PPP2R2B: variants seen among roughly 807,000 people sequenced by gnomAD.
PPP2R2B encodes serine/threonine-protein phosphatase 2A 55 kDa regulatory subunit B beta isoform.
PPP2R2B carries 5 observed loss-of-function variants against 46.0 expected under a neutral mutation model. That is an observed-to-expected ratio of 0.11 (90% CI 0.06 to 0.23). The LOEUF is 0.23. PPP2R2B is among the 10% of genes least tolerant of loss of function. The pLI is 1.00. For missense variants in PPP2R2B, 367 were observed against 575.0 expected (o/e 0.64, Z 3.70); for synonymous variants, 215 against 206.7 (o/e 1.04, Z -0.34).
At chr5:146,593,149 T>A in intron 8 of PPP2R2B, 87 bp from the exon 9 acceptor site, 2 of 1,124,774 alleles carry the variant, frequency 1.8e-6, no homozygotes, top group Non-Finnish European at 2.7e-6. Flanking sequence ...TGTGAGCTGT[T>A]AAATCTTTCA....
rs1324583048 is a variant in PPP2R2B at position 146,584,633 on chromosome 5, C to G, written c.*5314G>C. 3 of 152,226 alleles carry G rather than the reference C, an allele frequency of 2.0e-5. No homozygotes were observed. 9.4% of individuals were successfully genotyped at this position (152,226 alleles called of 1,614,324 possible). ...TCAGGTGATTAACAATGATTTAAAA[C>G]AGTGCCTCTCCCAATGCCTGTCATT... On this transcript the variant is annotated 3_prime_UTR_variant, in exon 10 of 10. Transcript: ENST00000394411.
At chr5:146,734,940 A>G (rs562103289) in intron 2 of PPP2R2B, among the ~76,000 whole-genome samples, 1 of 152,304 alleles carries the variant, frequency 6.6e-6, no homozygotes, top group South Asian at 2.1e-4. Flanking sequence ...TTCTCTGCCA[A>G]TAGCATTTCC....
chr5:147,000,681 A>T lies in PPP2R2B; in HGVS notation c.79+54984T>A, dbSNP rs1376684023. On this transcript the variant is annotated intron_variant, in intron 1 of 8. Transcript: ENST00000336640. The stretch of plus-strand genomic sequence containing the variant: ...GGATTTGCCATTTTTAATGGCAAAA[A>T]CCACAATTACTTTTGCACCAACCTA... Among the ~76,000 whole-genome samples, 158 of 83,850 alleles carry T rather than the reference A, an allele frequency of 1.9e-3. 3 individuals carry two copies. The East Asian group carries it at 0.051, about 27-fold the overall frequency. The allele number at this position is 83,850 out of a possible 152,430, so 55.0% of individuals were successfully genotyped here.
Position 146,650,535 on chromosome 5 carries a change from A to T in PPP2R2B, c.625+12T>A, listed in dbSNP as rs1232030302. ...TCAGGCCAGTTGATTCTTGATCACA[A>T]AGAAAGGATACTAAAACTTTGATTG... On this transcript the variant is annotated intron_variant, in intron 6 of 9. Coordinates refer to ENST00000394411, the MANE Select transcript of PPP2R2B (RefSeq NM_181675.4). 1.2e-6 allele frequency: 2 copies of T among 1,610,042 alleles called. No individual in the cohort carries two copies. Among genetic ancestry groups the T allele is most frequent in the Non-Finnish European group, 1.7e-6 (2 of 1,177,442 alleles).
intron 1 of PPP2R2B, among the ~76,000 whole-genome samples, chr5:146,971,865 A>T (rs1752677415): frequency 6.6e-6 from 1 of 152,198 alleles, no homozygotes; most frequent in Non-Finnish European, 1.5e-5. Flanking sequence ...AGTATGGAAA[A>T]TCCCTGTATA....
intron 1 of PPP2R2B, among the ~76,000 whole-genome samples, chr5:147,034,067 T>G (rs964321799): frequency 1.3e-5 from 2 of 152,220 alleles, no homozygotes; most frequent in Non-Finnish European, 1.5e-5. Flanking sequence ...ATACTGACTC[T>G]GGCTTCATCA....
At chr5:146,824,402 G>C (rs1758447213) in intron 2 of PPP2R2B, among the ~76,000 whole-genome samples, 1 of 152,176 alleles carries the variant, frequency 6.6e-6, no homozygotes, top group Non-Finnish European at 1.5e-5. Context: ...TGGTAGAGCA[G>C]CCATGTTATA....
intron 5 of PPP2R2B, among the ~76,000 whole-genome samples, chr5:146,651,290 C>T (rs1775939786): frequency 6.6e-6 from 1 of 152,134 alleles, no homozygotes; most frequent in Non-Finnish European, 1.5e-5. Flanking sequence ...AACCCAATGA[C>T]ATCTGACTGA....
chr5:146,998,015 G>T (rs887878024), intron 1 of PPP2R2B, among the ~76,000 whole-genome samples: 1 of 152,284 alleles, frequency 6.6e-6, no homozygotes, highest in South Asian at 2.1e-4. Context: ...ACAAAGAGGG[G>T]TCATATCTCT....
upstream of PPP2R2B, chr5:147,056,214 C>T (rs184276556): frequency 8.8e-6 from 7 of 791,318 alleles, no homozygotes; most frequent in African/African-American, 1.3e-4. Flanking sequence ...AGTGTTCTGC[C>T]CTGGAGAGAG....
At chr5:146,880,663 G>C (rs1762136887), upstream of PPP2R2B, among the ~76,000 whole-genome samples, 3 of 152,210 alleles carry the variant, frequency 2.0e-5, no homozygotes, top group Admixed American at 2.0e-4. Context: ...GGACAGAGCT[G>C]TGTGATGAAT....
At chr5:146,781,925 TG>T (rs1316793827) in intron 2 of PPP2R2B, among the ~76,000 whole-genome samples, 1 of 152,122 alleles carries the variant, frequency 6.6e-6, no homozygotes, top group African/African-American at 2.4e-5. Context: ...AAGTTGGAGG[TG>T]GGGCCTGGTG....
At chr5:146,917,100 G>C (rs1477857645) in intron 1 of PPP2R2B, among the ~76,000 whole-genome samples, 1 of 152,180 alleles carries the variant, frequency 6.6e-6, no homozygotes, top group Non-Finnish European at 1.5e-5. Context: ...TTGGGTTTCT[G>C]AAAAGGTGGC....
At chr5:146,807,297 G>A (rs1210374547) in intron 2 of PPP2R2B, among the ~76,000 whole-genome samples, 1 of 152,162 alleles carries the variant, frequency 6.6e-6, no homozygotes, top group African/African-American at 2.4e-5. Context: ...TGCTATTCAT[G>A]GCTAAGGAGG....
intron 6 of PPP2R2B, among the ~76,000 whole-genome samples, chr5:146,648,582 C>T (rs1775734198): frequency 1.3e-5 from 2 of 152,170 alleles, no homozygotes; most frequent in South Asian, 4.2e-4. Context: ...AAGGCCCTTG[C>T]TCTTGTAGAA....
In PPP2R2B at chr5:146,812,791, GTGTATA is replaced by G. The variant is rs1221044244; in HGVS notation, c.70+65205_70+65210del. Among the ~76,000 whole-genome samples the G allele has an allele frequency of 3.0e-4, 3 of 9,946 alleles. 1 individual carries two copies. Among genetic ancestry groups the G allele is most frequent in the African/African-American group, 1.1e-3 (3 of 2,654 alleles). 6.5% of individuals were successfully genotyped at this position (9,946 alleles called of 152,430 possible). ...TTAATGTGTGTGTGTGTGTATATGT[GTGTATA>G]TATATATATATATATATATATATAT... is the stretch of plus-strand genomic sequence containing the variant. On this transcript the variant is annotated intron_variant, in intron 2 of 9. Coordinates refer to ENST00000394411, the MANE Select transcript of PPP2R2B (RefSeq NM_181675.4).
intron 5 of PPP2R2B, among the ~76,000 whole-genome samples, chr5:146,681,461 C>A (rs1409250932): frequency 6.6e-6 from 1 of 152,192 alleles, no homozygotes; most frequent in East Asian, 1.9e-4. Flanking sequence ...CAACAGTGAG[C>A]TCACACTTCA....
At chr5:146,939,477 C>CT (rs1764256304) in intron 1 of PPP2R2B, among the ~76,000 whole-genome samples, 2 of 152,186 alleles carry the variant, frequency 1.3e-5, no homozygotes, top group South Asian at 4.1e-4. Flanking sequence ...TCCTCCATCT[C>CT]TAAGAGTCAC....
At chr5:147,057,728 G>A (rs983444932), upstream of PPP2R2B, among the ~76,000 whole-genome samples, 12 of 152,196 alleles carry the variant, frequency 7.9e-5, no homozygotes, top group African/African-American at 2.4e-4. Context: ...CAACCTAAGA[G>A]TAGCTGAAGA....
Sources: gnomAD v4.1 joint callset for allele counts (sites outside exome capture counted in the v4.1 genomes callset) on GRCh38, gnomAD v4.1.1 for gene constraint, MANE v1.5 for transcripts, NCBI Gene and HGNC (gene_info 2026-07-23, HGNC 2026-07-21) for gene names.